The following PDLIM4 variants were observed in gnomAD, a reference collection of about 807,000 sequenced individuals.
PDLIM4 encodes the protein PDZ and LIM domain protein 4.
Under a neutral mutation model 31.3 loss-of-function variants are expected in PDLIM4, and 19 were observed. The observed-to-expected ratio is 0.61, with a 90% CI of 0.42 to 0.89. The LOEUF is 0.89. PDLIM4 is among the 40% of genes least tolerant of loss of function. The pLI, the probability that PDLIM4 is intolerant of heterozygous loss-of-function variation, is 0.00. For synonymous variants in PDLIM4, 176 were observed against 190.1 expected (o/e 0.93, Z 0.61); for missense variants, 442 against 461.1 (o/e 0.96, Z 0.38).
chr5:132,262,619 G>C lies in PDLIM4; in HGVS notation c.104G>C (p.Gly35Ala), dbSNP rs1352854667. ...CTTGTCTGCTCGCAGGTCCATGCTG[G>C]CAGCAAGGCTGCATTGGCTGCCCTG... The part of the protein sequence containing the change: ...APLTISRVHA[G>A]SKAALAALCP... The change falls in exon 2 of 7, where the codon GGC (glycine) becomes GCC (alanine). Residue 35 changes from glycine to alanine, a missense_variant. Gly to Ala is a moderately conservative substitution (Grantham distance 60, BLOSUM62 0). Coordinates refer to ENST00000253754, the MANE Select transcript of PDLIM4 (RefSeq NM_003687.4). 6.2e-7 allele frequency: 1 copy of C among 1,608,118 alleles called. No individual in the cohort carries two copies. The highest frequency in any genetic ancestry group is 8.5e-7 in the Non-Finnish European group (1 of 1,177,154).
At position 132,271,427 on chromosome 5, in the gene PDLIM4, T is replaced by C; in HGVS notation, c.631T>C (p.Phe211Leu). Residue 211 changes from phenylalanine to leucine, a missense_variant, in exon 5 of 7, where the codon TTC becomes CTC. Coordinates refer to ENST00000253754, the MANE Select transcript of PDLIM4 (RefSeq NM_003687.4). ...VAAEPKQSGS[F>L]RYLQGMLEAG... is the part of the protein sequence containing the mutation. Reference sequence around the variant, plus strand: ...CGCGGAGCCCAAGCAGTCAGGCTCCTTCCGCTACTTGCAGGGCATGCTAGA... The same window carrying C: ...CGCGGAGCCCAAGCAGTCAGGCTCCCTCCGCTACTTGCAGGGCATGCTAGA... 2 of 1,609,234 alleles carry C rather than the reference T, an allele frequency of 1.2e-6. No individual in the cohort carries two copies. Among genetic ancestry groups the C allele is most frequent in the Non-Finnish European group, 1.7e-6 (2 of 1,179,910 alleles).
intron 3 of PDLIM4, among the ~76,000 whole-genome samples, chr5:132,269,440 C>T (rs1334177360): frequency 2.0e-5 from 3 of 150,440 alleles, no homozygotes; most frequent in Admixed American, 2.0e-4. Flanking sequence ...AGAGCGCTCA[C>T]GTTTCTCAGG....
Position 132,257,803 on chromosome 5 carries a change from C to T in PDLIM4, c.69C>T (p.Phe23=). 1.3e-6 allele frequency: 2 copies of T among 1,504,996 alleles called. No homozygotes were observed. The highest frequency in any genetic ancestry group is 1.8e-6 in the Non-Finnish European group (2 of 1,131,038). The allele number at this position is 1,504,996 out of a possible 1,614,324, so 93.2% of individuals were successfully genotyped here. The change falls in exon 1 of 7, where the codon TTC becomes TTT. Residue 23 remains phenylalanine, a synonymous_variant. Coordinates refer to ENST00000253754, the MANE Select transcript of PDLIM4 (RefSeq NM_003687.4). This position sits in a 1 kb window ranked among gnomAD's most constrained non-coding sequence, Gnocchi z 4.3. ...TCCGCCTGGTGGGCGGCCGGGACTT[C>T]AGCGCGCCCCTCACCATCTCACGGG... ...WGFRLVGGRD[F]SAPLTISRVH...
intron 1 of PDLIM4, among the ~76,000 whole-genome samples, chr5:132,258,266 G>A (rs1756289366): frequency 6.6e-6 from 1 of 152,232 alleles, no homozygotes; most frequent in Admixed American, 6.5e-5. Context: ...GACCCAGGGA[G>A]GTCTGGGGTC....
intron 4 of PDLIM4, 67 bp from the exon 5 acceptor site, chr5:132,271,236 A>G (rs1756602866): frequency 6.5e-7 from 1 of 1,528,096 alleles, no homozygotes; most frequent in African/African-American, 1.4e-5. Context: ...GCCTTACCAG[A>G]CCCCAAGTCC....
chr5:132,271,559 C>T (rs764100575), intron 5 of PDLIM4, 93 bp downstream of exon 5: 4 of 1,345,720 alleles, frequency 3.0e-6, no homozygotes, highest in Admixed American at 1.8e-5. Flanking sequence ...CTCGCAGTCA[C>T]CTGCCCTCTT....
chr5:132,263,273 C>A (rs527613784), intron 2 of PDLIM4, among the ~76,000 whole-genome samples: 1 of 152,276 alleles, frequency 6.6e-6, no homozygotes, highest in East Asian at 1.9e-4. Context: ...TTGGGGCTCT[C>A]TCCTAAGACT....
chr5:132,258,450 A>G (rs563208927), intron 1 of PDLIM4, among the ~76,000 whole-genome samples: 7 of 152,342 alleles, frequency 4.6e-5, no homozygotes, highest in African/African-American at 1.7e-4. Context: ...AAGATGACAC[A>G]AAGCCGGGGG....
At chr5:132,260,401 C>T (rs1168372115) in intron 1 of PDLIM4, among the ~76,000 whole-genome samples, 2 of 152,266 alleles carry the variant, frequency 1.3e-5, no homozygotes, top group East Asian at 3.9e-4. Flanking sequence ...TCCCAGCCAC[C>T]CAGGAGAAAT....
At chr5:132,258,533 G>A (rs1162543013) in intron 1 of PDLIM4, among the ~76,000 whole-genome samples, 2 of 152,198 alleles carry the variant, frequency 1.3e-5, no homozygotes, top group African/African-American at 4.8e-5. Context: ...AAAAGGAGCC[G>A]GCACAGCCCT....
intron 2 of PDLIM4, 128 bp downstream of exon 2, chr5:132,262,888 A>T (rs1247956783): frequency 3.7e-6 from 3 of 809,130 alleles, no homozygotes; most frequent in Non-Finnish European, 5.9e-6. Flanking sequence ...CCATCCAGGA[A>T]CAGTCCCAAG....
Position 132,273,156 on chromosome 5 carries a change from T to A in PDLIM4, c.*927T>A, listed in dbSNP as rs1228404139. ...GCACACATCGTCTGTGAATTGTGGC[T>A]GTTCACTCCCGAGGATGTGTCCTAG... On this transcript the variant is annotated 3_prime_UTR_variant, in exon 7 of 7. Transcript: ENST00000253754. The A allele has an allele frequency of 1.3e-5, 2 of 152,364 alleles. No individual in the cohort carries two copies. Among genetic ancestry groups the A allele is most frequent in the Non-Finnish European group, 2.9e-5 (2 of 68,048 alleles). The allele number at this position is 152,364 out of a possible 1,614,324, so 9.4% of individuals were successfully genotyped here. A position where few individuals can be genotyped will look rare whatever the true frequency, so the allele number is the denominator to read the frequency against.
In PDLIM4 at chr5:132,263,233, A is replaced by G. The variant is rs1464247014; in HGVS notation, c.245+473A>G. On this transcript the variant is annotated intron_variant, in intron 2 of 6. Coordinates refer to ENST00000253754, the MANE Select transcript of PDLIM4 (RefSeq NM_003687.4). ...GGTTAGATGGTGCTTAAAGTCACAC[A>G]GAGAGGGAGTGGGGTAGCAAAATTT... is the stretch of plus-strand genomic sequence containing the variant. 2.0e-5 allele frequency among the ~76,000 whole-genome samples: 3 copies of G among 152,212 alleles called. No individual in the cohort carries two copies. In the East Asian group the frequency reaches 5.8e-4, roughly 29 times the overall value.
Position 132,271,809 on chromosome 5 carries a change from G to A in PDLIM4, c.689G>A (p.Gly230Asp). 6.2e-7 allele frequency: 1 copy of A among 1,611,400 alleles called. No individual in the cohort carries two copies. The highest frequency in any genetic ancestry group is 8.5e-7 in the Non-Finnish European group (1 of 1,178,102). The change falls in exon 6 of 7, where the codon GGC becomes GAC. Residue 230 changes from glycine (G) to aspartate (D), a missense_variant. Transcript: ENST00000253754. The part of the protein sequence containing the change: ...AGEGGDWPGP[G>D]GPRNLKPTAS... ...GTTTCAGGGGATTGGCCCGGGCCTGGCGGCCCCCGGAACCTCAAGCCCACG... is the reference window on the plus strand; with the variant it reads ...GTTTCAGGGGATTGGCCCGGGCCTGACGGCCCCCGGAACCTCAAGCCCACG...
intron 2 of PDLIM4, among the ~76,000 whole-genome samples, chr5:132,265,085 TA>T (rs1362782298): frequency 6.6e-6 from 1 of 152,190 alleles, no homozygotes; most frequent in Non-Finnish European, 1.5e-5. Context: ...AGGCCACTGA[TA>T]GAGTCCCTGT....
chr5:132,273,266 C>T lies in PDLIM4; in HGVS notation c.*1037C>T, dbSNP rs951185423. On this transcript the variant is annotated 3_prime_UTR_variant, in exon 7 of 7. Coordinates refer to ENST00000253754, the MANE Select transcript of PDLIM4 (RefSeq NM_003687.4). ...TTTTATTTAGTGCCTATTTAGCGAG[C>T]CCAGAGTAACGTACATTTGTGCTGT... 1 of 152,300 alleles carries T rather than the reference C, an allele frequency of 6.6e-6. No homozygotes were observed. Among genetic ancestry groups the T allele is most frequent in the Non-Finnish European group, 1.5e-5 (1 of 68,046 alleles). 9.4% of individuals were successfully genotyped at this position (152,300 alleles called of 1,614,324 possible). A position where few individuals can be genotyped will look rare whatever the true frequency, so the allele number is the denominator to read the frequency against.
At chr5:132,271,714 C>A in intron 5 of PDLIM4, 77 bp from the exon 6 acceptor site, 1 of 1,141,826 alleles carries the variant, frequency 8.8e-7, no homozygotes, top group Non-Finnish European at 1.3e-6. Context: ...GCCCGTCTGG[C>A]GCCCAACCAA....
At position 132,272,471 on chromosome 5, in the gene PDLIM4, G is replaced by A; in HGVS notation, c.*242G>A. The A allele has an allele frequency of 5.4e-6, 3 of 557,384 alleles. No homozygotes were observed. Among genetic ancestry groups the A allele is most frequent in the Non-Finnish European group, 6.5e-6 (2 of 308,394 alleles). The allele number at this position is 557,384 out of a possible 1,614,324, so 34.5% of individuals were successfully genotyped here. On this transcript the variant is annotated 3_prime_UTR_variant, in exon 7 of 7. Coordinates refer to ENST00000253754, the MANE Select transcript of PDLIM4 (RefSeq NM_003687.4). Reference sequence around the variant, plus strand: ...CGGGTACCATGCTGCCCTGAAGGGGGCCACAGCCTGGGTGGAAGGCAGACC... The same window carrying A: ...CGGGTACCATGCTGCCCTGAAGGGGACCACAGCCTGGGTGGAAGGCAGACC...
At chr5:132,271,491 A>G in intron 5 of PDLIM4, 25 bp downstream of exon 5, 2 of 1,605,462 alleles carry the variant, frequency 1.2e-6, no homozygotes, top group South Asian at 1.1e-5. Context: ...ACCTGTCCCC[A>G]TCTGCCTTCC....
Sources: allele counts gnomAD v4.1 joint callset (sites outside exome capture counted in the v4.1 genomes callset), GRCh38; gene constraint gnomAD v4.1.1; non-coding constraint Gnocchi (gnomAD v3.1); transcripts MANE v1.5; gene names NCBI Gene and HGNC (gene_info 2026-07-23, HGNC 2026-07-21).